Variants in CDH11 observed in about 807,000 individuals in gnomAD.
The protein encoded by CDH11 is cadherin 11.
Under a neutral mutation model 67.8 loss-of-function variants are expected in CDH11, and 11 were observed. The observed-to-expected ratio is 0.16, with a 90% CI of 0.10 to 0.27. The LOEUF (loss-of-function observed/expected upper bound fraction) is 0.27, where lower values mean the gene tolerates loss of function less well. CDH11 is among the 10% of genes least tolerant of loss of function. The probability of loss-of-function intolerance (pLI) is 1.00; values close to 1 mark genes in which losing one functional copy is unlikely to be tolerated. For missense variants in CDH11, 847 were observed against 1,031.2 expected (o/e 0.82, Z 2.45); for synonymous variants, 419 against 400.0 (o/e 1.05, Z -0.57).
chr16:64,983,638 C>T (rs3785317), intron 7 of CDH11, among the ~76,000 whole-genome samples: 3,990 of 152,260 alleles, frequency 0.026, 97 homozygotes, highest in South Asian at 0.17. Flanking sequence ...CATCTTCCCA[C>T]CTCCATCTTC....
chr16:65,066,682 C>T (rs1187033310), intron 1 of CDH11, among the ~76,000 whole-genome samples: 1 of 152,242 alleles, frequency 6.6e-6, no homozygotes. Context: ...TTACAACCAC[C>T]TTTATCAGTC....
chr16:65,081,940 G>T (rs991211442), intron 1 of CDH11, among the ~76,000 whole-genome samples: 8 of 152,274 alleles, frequency 5.3e-5, no homozygotes, highest in African/African-American at 1.9e-4. Flanking sequence ...GGAAGCAGGG[G>T]GAGAAAAGGT....
At chr16:65,034,406 C>T (rs940216826) in intron 2 of CDH11, among the ~76,000 whole-genome samples, 1 of 152,138 alleles carries the variant, frequency 6.6e-6, no homozygotes, top group Non-Finnish European at 1.5e-5. Context: ...ATAGAGTGGA[C>T]TAAGATAGAT....
intron 1 of CDH11, among the ~76,000 whole-genome samples, chr16:65,056,344 T>C (rs564842554): frequency 1.3e-5 from 2 of 152,310 alleles, no homozygotes; most frequent in South Asian, 4.2e-4. Flanking sequence ...AGATGCCATC[T>C]TGGACACCTA....
intron 2 of CDH11, among the ~76,000 whole-genome samples, chr16:65,015,123 C>T (rs1220995375): frequency 2.0e-5 from 3 of 151,322 alleles, no homozygotes; most frequent in Non-Finnish European, 4.4e-5. Context: ...CCACCCGCCT[C>T]GGCCTCCCAG....
At chr16:65,001,134 A>G (rs1022602441) in intron 3 of CDH11, among the ~76,000 whole-genome samples, 1 of 152,148 alleles carries the variant, frequency 6.6e-6, no homozygotes, top group Admixed American at 6.6e-5. Flanking sequence ...TGAAACCCCA[A>G]TTATTTCAGC....
intron 11 of CDH11, among the ~76,000 whole-genome samples, chr16:64,962,310 C>A (rs1365137088): frequency 6.6e-6 from 1 of 152,040 alleles, no homozygotes; most frequent in African/African-American, 2.4e-5. Flanking sequence ...AATAAAAAAA[C>A]AAACAAACTA....
Position 64,998,414 on chromosome 16 carries a change from G to C in CDH11, c.523+148C>G. 8.1e-6 allele frequency: 6 copies of C among 744,136 alleles called. No individual in the cohort carries two copies. In the South Asian group the frequency reaches 1.1e-4, roughly 13 times the overall value. 46.1% of individuals were successfully genotyped at this position (744,136 alleles called of 1,614,324 possible). ...AAATTGTTATTCCCATTTTACAGAG[G>C]AACAAAAGAATTTTTGTTCCTTTTG... is the stretch of plus-strand genomic sequence containing the variant. On this transcript the variant is annotated intron_variant, in intron 4 of 12. Coordinates refer to ENST00000268603, the MANE Select transcript of CDH11 (RefSeq NM_001797.4).
Position 64,947,576 on chromosome 16 carries a change from C to A in CDH11, c.*27G>T. 6.3e-7 allele frequency: 1 copy of A among 1,588,834 alleles called. No individual in the cohort carries two copies. ...ATTCTTGAGAACGCCAGACACAGTT[C>A]TTAAGGCCAAATTTGTATCGTTATT... is the stretch of plus-strand genomic sequence containing the variant. On this transcript the variant is annotated 3_prime_UTR_variant, in exon 13 of 13. Transcript: ENST00000268603.
intron 1 of CDH11, among the ~76,000 whole-genome samples, chr16:65,073,631 C>G (rs571356489): frequency 6.6e-6 from 1 of 151,922 alleles, no homozygotes; most frequent in East Asian, 1.9e-4. Context: ...TTTTGGGTAC[C>G]CTCTTAAATT....
chr16:65,089,742 C>A (rs2074763573), intron 1 of CDH11, among the ~76,000 whole-genome samples: 1 of 152,040 alleles, frequency 6.6e-6, no homozygotes, highest in Admixed American at 6.6e-5. Flanking sequence ...CTTTAAATTA[C>A]CATACACAAA....
At chr16:65,060,563 T>C (rs1412926901) in intron 1 of CDH11, among the ~76,000 whole-genome samples, 1 of 152,156 alleles carries the variant, frequency 6.6e-6, no homozygotes, top group East Asian at 1.9e-4. Flanking sequence ...GATGCCCATA[T>C]GGTCAGTATG....
chr16:65,089,979 G>A (rs1470958470), intron 1 of CDH11, among the ~76,000 whole-genome samples: 1 of 152,042 alleles, frequency 6.6e-6, no homozygotes, highest in African/African-American at 2.4e-5. Flanking sequence ...TCCGAATGTG[G>A]AAAATATATG....
At chr16:64,964,839 C>A (rs371333657) in intron 11 of CDH11, among the ~76,000 whole-genome samples, 1 of 152,022 alleles carries the variant, frequency 6.6e-6, no homozygotes, top group Non-Finnish European at 1.5e-5. Flanking sequence ...TGAGCCACTG[C>A]GCCCAGCCCT....
At chr16:65,122,113 C>T (rs1371073477), upstream of CDH11, 1 of 78,482 alleles carries the variant, frequency 1.3e-5, no homozygotes, top group Non-Finnish European at 2.4e-5. Context: ...GGGGAGGTGG[C>T]GGGCGGGCAG....
At chr16:64,996,334 C>T (rs2072763187) in intron 4 of CDH11, among the ~76,000 whole-genome samples, 1 of 151,784 alleles carries the variant, frequency 6.6e-6, no homozygotes, top group Non-Finnish European at 1.5e-5. Context: ...ACTAAAAATA[C>T]AAAAAAATTA....
intron 8 of CDH11, among the ~76,000 whole-genome samples, chr16:64,973,953 T>C (rs2072085852): frequency 6.6e-6 from 1 of 152,142 alleles, no homozygotes; most frequent in African/African-American, 2.4e-5. Context: ...TGTAGGGCAT[T>C]TTCCCATATT....
chr16:65,090,526 A>G (rs959397871), intron 1 of CDH11, among the ~76,000 whole-genome samples: 1 of 151,754 alleles, frequency 6.6e-6, no homozygotes, highest in African/African-American at 2.4e-5. Flanking sequence ...TGGGCAAACA[A>G]CTCCCCATCT....
upstream of CDH11, among the ~76,000 whole-genome samples, chr16:65,123,340 AAGG>A (rs1567593943): frequency 6.6e-6 from 1 of 151,908 alleles, no homozygotes; most frequent in Non-Finnish European, 1.5e-5. Flanking sequence ...GAGGCTGGGA[AAGG>A]AGAAGAGATG....
Sources: gnomAD v4.1 joint callset for allele counts (sites outside exome capture counted in the v4.1 genomes callset) on GRCh38, gnomAD v4.1.1 for gene constraint, MANE v1.5 for transcripts, NCBI Gene and HGNC (gene_info 2026-07-23, HGNC 2026-07-21) for gene names.